Variants in HECW1 observed in about 807,000 individuals in gnomAD.
HECW1 encodes the protein E3 ubiquitin-protein ligase HECW1.
Under a neutral mutation model 182.3 loss-of-function variants are expected in HECW1, and 61 were observed. The observed-to-expected ratio is 0.33, with a 90% confidence interval of 0.27 to 0.41. The LOEUF (loss-of-function observed/expected upper bound fraction) is 0.41, where lower values mean the gene tolerates loss of function less well. Among genes scored for constraint, HECW1 ranks in the 10% least tolerant of loss-of-function variants. The probability of loss-of-function intolerance (pLI) is 1.00; values close to 1 mark genes in which losing one functional copy is unlikely to be tolerated. For synonymous variants in HECW1, 859 were observed against 832.6 expected (o/e 1.03, Z -0.55); for missense variants, 1,739 against 2,108.9 (o/e 0.82, Z 3.44).
chr7:43,532,342 CT>C (rs1249662209), intron 24 of HECW1, among the ~76,000 whole-genome samples: 2 of 152,156 alleles, frequency 1.3e-5, no homozygotes, highest in African/African-American at 4.8e-5. Context: ...AGGCCTCTGC[CT>C]TCACTCTTGC....
At chr7:43,183,012 A>C (rs1793019212) in intron 2 of HECW1, among the ~76,000 whole-genome samples, 1 of 152,092 alleles carries the variant, frequency 6.6e-6, no homozygotes, top group Non-Finnish European at 1.5e-5. Context: ...AGTACTACTG[A>C]CTTTTATATG....
At chr7:43,276,932 C>T (rs772394966) in intron 3 of HECW1, among the ~76,000 whole-genome samples, 9 of 152,222 alleles carry the variant, frequency 5.9e-5, no homozygotes, top group Admixed American at 2.0e-4. Flanking sequence ...GAAATACAGG[C>T]GTCTCTAATC....
chr7:43,483,814 G>A (rs1343210045), intron 17 of HECW1, among the ~76,000 whole-genome samples: 5 of 152,038 alleles, frequency 3.3e-5, no homozygotes, highest in Non-Finnish European at 7.4e-5. Context: ...CTCCCAAAGT[G>A]CTGGGATTAC....
chr7:43,463,752 G>A lies in HECW1; in HGVS notation c.2744G>A (p.Gly915Glu). 1.2e-6 allele frequency: 2 copies of A among 1,614,106 alleles called. No individual in the cohort carries two copies. Among genetic ancestry groups the A allele is most frequent in the Non-Finnish European group, 1.7e-6 (2 of 1,180,026 alleles). ...SCEQAPAGGG[G>E]GGGSDSEAES... is the part of the protein sequence containing the mutation. Reference sequence around the variant, plus strand: ...GAGCAAGCCCCAGCAGGAGGAGGCGGAGGTGGAGGGAGTGACTCAGAAGCC... The same window carrying A: ...GAGCAAGCCCCAGCAGGAGGAGGCGAAGGTGGAGGGAGTGACTCAGAAGCC... The change falls in exon 14 of 30, where the codon GGA becomes GAA. Residue 915 changes from glycine to glutamate, a missense_variant. Coordinates refer to ENST00000395891, the MANE Select transcript of HECW1 (RefSeq NM_015052.5).
At chr7:43,248,067 G>T (rs1799615928) in intron 3 of HECW1, among the ~76,000 whole-genome samples, 1 of 150,540 alleles carries the variant, frequency 6.6e-6, no homozygotes, top group South Asian at 2.1e-4. Flanking sequence ...AAGGAAGGGA[G>T]GGAGGGAGGG....
intron 2 of HECW1, among the ~76,000 whole-genome samples, chr7:43,174,137 A>AG (rs1159567568): frequency 1.3e-5 from 2 of 152,126 alleles, no homozygotes; most frequent in Non-Finnish European, 2.9e-5. Context: ...CACAGTGCCT[A>AG]GCCTTAAATG....
At chr7:43,319,105 G>A (rs937803109) in intron 4 of HECW1, among the ~76,000 whole-genome samples, 5 of 152,300 alleles carry the variant, frequency 3.3e-5, no homozygotes, top group East Asian at 1.9e-4. Context: ...AGAGAACATC[G>A]GGCCGGGCGC....
chr7:43,387,977 C>T (rs1276723656), intron 6 of HECW1, among the ~76,000 whole-genome samples: 1 of 152,212 alleles, frequency 6.6e-6, no homozygotes. Context: ...CACTTTTATA[C>T]ACATTATGCC....
At chr7:43,198,190 A>G (rs1306965652) in intron 2 of HECW1, among the ~76,000 whole-genome samples, 1 of 146,822 alleles carries the variant, frequency 6.8e-6, no homozygotes. Context: ...CACACACAGC[A>G]CACACATTCA....
chr7:43,283,016 G>A (rs12112309), intron 3 of HECW1, among the ~76,000 whole-genome samples: 1,966 of 152,168 alleles, frequency 0.013, 43 homozygotes, highest in African/African-American at 0.045. Context: ...TACTCGGGAG[G>A]CTGAGGCAGG....
intron 5 of HECW1, among the ~76,000 whole-genome samples, chr7:43,323,938 G>T (rs1450662758): frequency 2.6e-5 from 4 of 152,128 alleles, no homozygotes; most frequent in Admixed American, 6.6e-5. Context: ...GGAGGCTGAG[G>T]CAGGAGAATC....
At position 43,177,508 on chromosome 7, in the gene HECW1, G is replaced by A. The variant is rs114372418; in HGVS notation, c.-32+63117G>A. On this transcript the variant is annotated intron_variant, in intron 2 of 29. Coordinates refer to ENST00000395891, the MANE Select transcript of HECW1 (RefSeq NM_015052.5). ...GTCATCTTTCCCGTGCTGTCTTCCAGCCAGGGTTTGAGCCAGCATCCTTTT... is the reference window on the plus strand; with the variant it reads ...GTCATCTTTCCCGTGCTGTCTTCCAACCAGGGTTTGAGCCAGCATCCTTTT... Among the ~76,000 whole-genome samples the A allele has an allele frequency of 9.0e-3, 1,377 of 152,258 alleles. 11 individuals are homozygous for A. The highest frequency in any genetic ancestry group is 0.029 in the African/African-American group (1,221 of 41,538).
At chr7:43,383,035 G>T (rs990263907) in intron 6 of HECW1, among the ~76,000 whole-genome samples, 3 of 152,102 alleles carry the variant, frequency 2.0e-5, no homozygotes, top group Admixed American at 2.0e-4. Flanking sequence ...TGTGGTGTTT[G>T]GTTTTCTGTT....
At chr7:43,469,352 C>A (rs769920658) in intron 16 of HECW1, among the ~76,000 whole-genome samples, 5 of 152,202 alleles carry the variant, frequency 3.3e-5, no homozygotes, top group African/African-American at 1.2e-4. Context: ...TAGATGCCAA[C>A]TGTTGTGACA....
chr7:43,370,205 A>C (rs1012434458), intron 6 of HECW1, among the ~76,000 whole-genome samples: 3 of 152,262 alleles, frequency 2.0e-5, no homozygotes, highest in African/African-American at 7.2e-5. Flanking sequence ...AAACACCTGG[A>C]TAGATATCTC....
intron 6 of HECW1, among the ~76,000 whole-genome samples, chr7:43,361,277 C>T (rs889335872): frequency 2.6e-5 from 4 of 152,186 alleles, no homozygotes; most frequent in Non-Finnish European, 4.4e-5. Context: ...CTAATAGAGA[C>T]ATGTGCAATC....
intron 6 of HECW1, among the ~76,000 whole-genome samples, chr7:43,395,644 G>A (rs915645278): frequency 2.0e-5 from 3 of 152,186 alleles, no homozygotes; most frequent in Non-Finnish European, 4.4e-5. Flanking sequence ...CAGGATCCCT[G>A]AGATGCACAT....
rs938056997 is a variant in HECW1, at chr7:43,445,241, C to T, written c.2069C>T (p.Thr690Met). 5 of 1,613,214 alleles carry T rather than the reference C, an allele frequency of 3.1e-6. No individual in the cohort carries two copies. The South Asian group carries it at 3.3e-5, about 11-fold the overall frequency. The change falls in exon 11 of 30, where the codon ACG becomes ATG. Residue 690 changes from threonine (T) to methionine (M), a missense_variant. Thr to Met is a moderately conservative substitution (Grantham distance 81). Around this residue, in one of 5 missense-constraint regions of HECW1, gnomAD observed 971 missense variants for 1,029.1 expected, o/e 0.94. Coordinates refer to ENST00000395891, the MANE Select transcript of HECW1 (RefSeq NM_015052.5). ...TGCTACAGCTCCTCGTGCTACAGCA[C>T]GTCCTGCTACAGCAGCTCGTGCTAC... Reference protein sequence around the residue: ...PSCYSSSCYSTSCYSSSCYSA... With the variant: ...PSCYSSSCYSMSCYSSSCYSA...
intron 5 of HECW1, among the ~76,000 whole-genome samples, chr7:43,341,608 T>C (rs955269367): frequency 1.3e-5 from 2 of 151,822 alleles, no homozygotes; most frequent in Admixed American, 6.6e-5. Context: ...GCAATTTGTA[T>C]AAGTTAGGCA....
Sources: gnomAD v4.1 joint callset for allele counts (sites outside exome capture counted in the v4.1 genomes callset) on GRCh38, gnomAD v4.1.1 for gene constraint, gnomAD v4.1.1 regional missense constraint, MANE v1.5 for transcripts, NCBI Gene and HGNC (gene_info 2026-07-23, HGNC 2026-07-21) for gene names.